The following CCDC178 variants were observed in gnomAD, a reference collection of about 807,000 sequenced individuals.
CCDC178 encodes coiled-coil domain containing 178, also known as coiled-coil domain-containing protein 178.
Under a neutral mutation model 117.4 loss-of-function variants are expected in CCDC178, and 126 were observed. The observed-to-expected ratio is 1.07, with a 90% CI of 0.93 to 1.24. The LOEUF (loss-of-function observed/expected upper bound fraction) is 1.24, where lower values mean the gene tolerates loss of function less well. Ranked by LOEUF, CCDC178 falls within the 50% of genes most tolerant of loss-of-function variation. The pLI is 0.00. For missense variants in CCDC178, 1,030 were observed against 986.9 expected, an observed-to-expected ratio of 1.04 and a Z score of -0.59; for synonymous variants, 283 against 313.4, an observed-to-expected ratio of 0.90 and a Z score of 1.02.
chr18:33,097,552 G>A (rs1412496989), intron 20 of CCDC178, among the ~76,000 whole-genome samples: 7 of 152,226 alleles, frequency 4.6e-5, no homozygotes, highest in African/African-American at 1.7e-4. Context: ...AGTTTGCACA[G>A]CTATTAGGCA....
intron 5 of CCDC178, among the ~76,000 whole-genome samples, chr18:33,379,125 AATATATATATTTCCATATATATAT>A (rs1568187689): frequency 3.8e-3 from 26 of 6,796 alleles, no homozygotes; most frequent in East Asian, 0.014. Context: ...ATATATATAT[AATATATATATTTCCATATATATAT>A]AATATATATA....
rs1057030979 is a variant in CCDC178 at position 33,157,950 on chromosome 18, C to T, written c.2238+53946G>A. 3.0e-4 allele frequency among the ~76,000 whole-genome samples: 46 copies of T among 152,086 alleles called. 1 individual carries two copies. The highest frequency in any genetic ancestry group is 2.8e-3 in the Admixed American group (43 of 15,280). ...TGGAACCTCTTACAGCTTTTTAAAA[C>T]GTAGGTGTAACTTTTTCTTTTCCAC... On this transcript the variant is annotated intron_variant, in intron 20 of 22. Transcript: ENST00000383096.
intron 15 of CCDC178, among the ~76,000 whole-genome samples, chr18:33,237,334 C>A (rs530821359): frequency 3.4e-4 from 52 of 152,138 alleles, no homozygotes; most frequent in Non-Finnish European, 5.6e-4. Flanking sequence ...AGGGCAAACC[C>A]ACCCTTGAAC....
chr18:32,943,970 A>G (rs914208086), intron 22 of CCDC178, among the ~76,000 whole-genome samples: 1 of 152,192 alleles, frequency 6.6e-6, no homozygotes, highest in Non-Finnish European at 1.5e-5. Context: ...TCTTTCATAT[A>G]TTCATGCAAC....
At chr18:33,396,100 C>T (rs1599267257) in intron 4 of CCDC178, among the ~76,000 whole-genome samples, 1 of 151,892 alleles carries the variant, frequency 6.6e-6, no homozygotes, top group East Asian at 1.9e-4. Context: ...TCCTAAAAAT[C>T]AATGTGAAAA....
chr18:33,379,164 C>CATATATATATAATATATATATTTCCAT (rs1272948476), intron 5 of CCDC178, among the ~76,000 whole-genome samples: 16 of 128,138 alleles, frequency 1.2e-4, no homozygotes, highest in African/African-American at 4.7e-4. Context: ...TATATATTTC[C>CATATATATATAATATATATATTTCCAT]ATATATATAA....
rs146058856 is a variant in CCDC178, at chr18:33,200,573, T to C, written c.2238+11323A>G. Among the ~76,000 whole-genome samples the C allele has an allele frequency of 1.1e-4, 16 of 152,338 alleles. No homozygotes were observed. The East Asian group carries it at 2.9e-3, about 28-fold the overall frequency. On this transcript the variant is annotated intron_variant, in intron 20 of 22. Transcript: ENST00000383096. ...TGATCTACAAACGCTATAAACCAACTGCAGTTCCCTAAATGCATGCTGATT... is the reference window on the plus strand; with the variant it reads ...TGATCTACAAACGCTATAAACCAACCGCAGTTCCCTAAATGCATGCTGATT...
At chr18:33,057,728 AGGTGATTTGCCCACCTC>A (rs2056854753) in intron 21 of CCDC178, among the ~76,000 whole-genome samples, 1 of 152,152 alleles carries the variant, frequency 6.6e-6, no homozygotes, top group Non-Finnish European at 1.5e-5. Context: ...TCCTGACCTC[AGGTGATTTGCCCACCTC>A]GGCCTCCCAA....
chr18:33,294,623 A>G (rs896486925), intron 11 of CCDC178, among the ~76,000 whole-genome samples: 2 of 152,196 alleles, frequency 1.3e-5, no homozygotes, highest in African/African-American at 4.8e-5. Flanking sequence ...CAAGAACAAC[A>G]TTCTTTACAT....
Position 33,267,290 on chromosome 18 carries a change from T to A in CCDC178, c.1184A>T (p.Asp395Val), listed in dbSNP as rs1204937059. Residue 395 changes from aspartate to valine, a missense_variant, in exon 13 of 23, where the codon GAT (aspartate) becomes GTT (valine). Coordinates refer to ENST00000383096, the MANE Select transcript of CCDC178 (RefSeq NM_001105528.4). ...TAGTTGGTCATAAACTCTTCTCAAA[T>A]CTTCCAGCTAAGAAAGAAGATATAC... ...ELHSLSKMLE[D>V]LRRVYDQLTW... 1 of 1,587,244 alleles carries A rather than the reference T, an allele frequency of 6.3e-7. No homozygotes were observed. The highest frequency in any genetic ancestry group is 1.2e-5 in the South Asian group (1 of 86,868).
chr18:33,437,958 T>C (rs1200865785), intron 2 of CCDC178, among the ~76,000 whole-genome samples: 2 of 152,218 alleles, frequency 1.3e-5, no homozygotes, highest in Non-Finnish European at 2.9e-5. Flanking sequence ...ATACAATGTG[T>C]GCAAATATCA....
Position 33,211,189 on chromosome 18 carries a change from G to A in CCDC178, c.2238+707C>T, listed in dbSNP as rs1361720758. Among the ~76,000 whole-genome samples the A allele has an allele frequency of 5.3e-5, 8 of 151,610 alleles. No individual in the cohort carries two copies. The East Asian group carries it at 5.8e-4, about 11-fold the overall frequency. The stretch of plus-strand genomic sequence containing the variant: ...ACAGAAAAGAGTTTTAAAATACTAC[G>A]GAAAATATTTTTGCTTCTTAGAAAA... On this transcript the variant is annotated intron_variant, in intron 20 of 22. Coordinates refer to ENST00000383096, the MANE Select transcript of CCDC178 (RefSeq NM_001105528.4).
At chr18:33,210,948 GTTCT>G (rs2144587004) in intron 20 of CCDC178, among the ~76,000 whole-genome samples, 1 of 151,964 alleles carries the variant, frequency 6.6e-6, no homozygotes, top group African/African-American at 2.4e-5. Flanking sequence ...AAGAAGATAT[GTTCT>G]TTCACCCACA....
At chr18:33,063,074 T>C (rs894369108) in intron 21 of CCDC178, among the ~76,000 whole-genome samples, 1 of 152,116 alleles carries the variant, frequency 6.6e-6, no homozygotes, top group Admixed American at 6.5e-5. Context: ...CACATCTGCA[T>C]GCACTTTCAG....
intron 21 of CCDC178, among the ~76,000 whole-genome samples, chr18:33,050,108 T>G (rs2056721621): frequency 6.6e-6 from 1 of 151,766 alleles, no homozygotes; most frequent in Non-Finnish European, 1.5e-5. Context: ...TAAATAATAT[T>G]TTAAGAATAC....
chr18:33,273,727 TA>T (rs2059914219), intron 12 of CCDC178, among the ~76,000 whole-genome samples: 1 of 151,588 alleles, frequency 6.6e-6, no homozygotes, highest in Non-Finnish European at 1.5e-5. Context: ...AAACTTGGAT[TA>T]AAAAATATAA....
intron 3 of CCDC178, 82 bp downstream of exon 3, chr18:33,411,949 C>T: frequency 1.5e-6 from 1 of 668,298 alleles, no homozygotes; most frequent in South Asian, 2.3e-5. Context: ...ACTATCTTTG[C>T]AGTTGCCCTC....
chr18:32,961,178 C>A (rs990780708), intron 22 of CCDC178, among the ~76,000 whole-genome samples: 3 of 152,050 alleles, frequency 2.0e-5, no homozygotes, highest in African/African-American at 7.2e-5. Context: ...TCTATTAACT[C>A]CTGAGAGACG....
chr18:33,200,737 C>T (rs271534), intron 20 of CCDC178, among the ~76,000 whole-genome samples: 7,281 of 152,318 alleles, frequency 0.048, 241 homozygotes, highest in Middle Eastern at 0.082. Flanking sequence ...CTGCAAGCCC[C>T]TCTTCCAGGT....
Sources: allele counts gnomAD v4.1 joint callset (sites outside exome capture counted in the v4.1 genomes callset), GRCh38; gene constraint gnomAD v4.1.1; transcripts MANE v1.5; gene names NCBI Gene and HGNC (gene_info 2026-07-23, HGNC 2026-07-21).